MEGF11: variants seen among roughly 807,000 people sequenced by gnomAD.
MEGF11 encodes the protein multiple EGF like domains 11, also known as multiple epidermal growth factor-like domains protein 11.
A neutral mutation model predicts 146.6 loss-of-function variants in MEGF11; 126 were observed. The observed-to-expected ratio is 0.86, with a 90% CI of 0.74 to 1.00. The LOEUF (loss-of-function observed/expected upper bound fraction) is 1.00, where lower values mean the gene tolerates loss of function less well. Among genes scored for constraint, MEGF11 ranks in the 50% least tolerant of loss-of-function variants. The pLI is 0.00. For missense variants in MEGF11, 1,509 were observed against 1,521.2 expected (o/e 0.99, Z 0.13); for synonymous variants, 532 against 583.4 (o/e 0.91, Z 1.27).
intron 5 of MEGF11, among the ~76,000 whole-genome samples, chr15:66,080,800 C>A (rs1474302762): frequency 1.3e-5 from 2 of 152,232 alleles, no homozygotes; most frequent in Non-Finnish European, 2.9e-5. Flanking sequence ...GGTGACTGTG[C>A]CCCAGTGTGT....
At chr15:66,224,587 A>AAT (rs1225775669) in intron 1 of MEGF11, among the ~76,000 whole-genome samples, 2 of 147,220 alleles carry the variant, frequency 1.4e-5, no homozygotes, top group South Asian at 2.1e-4. Context: ...CTGTCTCAAA[A>AAT]ATATATATAT....
intron 5 of MEGF11, among the ~76,000 whole-genome samples, chr15:66,035,457 G>A (rs528524311): frequency 2.2e-4 from 33 of 152,146 alleles, no homozygotes; most frequent in Admixed American, 1.8e-3. Context: ...TCCCATCTCC[G>A]TGCCTTTGCT....
At chr15:65,937,743 C>G (rs2079840957) in intron 10 of MEGF11, among the ~76,000 whole-genome samples, 1 of 152,254 alleles carries the variant, frequency 6.6e-6, no homozygotes, top group Admixed American at 6.5e-5. Context: ...TATGACCAAT[C>G]AGAGCTTCTG....
At chr15:66,212,093 C>A (rs989013646) in intron 1 of MEGF11, among the ~76,000 whole-genome samples, 2 of 14,526 alleles carry the variant, frequency 1.4e-4, no homozygotes, top group African/African-American at 5.4e-4. Flanking sequence ...CTCCCGCCCG[C>A]CAGTCTCCCG....
chr15:65,984,439 T>C (rs2081773684), intron 5 of MEGF11, among the ~76,000 whole-genome samples: 1 of 147,320 alleles, frequency 6.8e-6, no homozygotes, highest in Non-Finnish European at 1.5e-5. Flanking sequence ...GTCAAGAGAA[T>C]TGCTTGAACC....
chr15:66,204,867 C>T (rs1471307622), intron 1 of MEGF11, among the ~76,000 whole-genome samples: 2 of 151,828 alleles, frequency 1.3e-5, no homozygotes, highest in Non-Finnish European at 2.9e-5. Context: ...AACCCCTGGA[C>T]ATTACATGTA....
intron 1 of MEGF11, among the ~76,000 whole-genome samples, chr15:66,152,393 C>T (rs1567265250): frequency 6.6e-6 from 1 of 152,180 alleles, no homozygotes; most frequent in Non-Finnish European, 1.5e-5. Flanking sequence ...CCTCACCCTT[C>T]CTCTCACTGA....
intron 1 of MEGF11, among the ~76,000 whole-genome samples, chr15:66,163,418 G>C (rs1424067149): frequency 6.6e-6 from 1 of 152,130 alleles, no homozygotes; most frequent in East Asian, 1.9e-4. Flanking sequence ...AACTGAAGTG[G>C]AGGAGCGCTC....
chr15:65,993,932 CA>C (rs754857829), intron 5 of MEGF11, among the ~76,000 whole-genome samples: 1 of 152,066 alleles, frequency 6.6e-6, no homozygotes, highest in African/African-American at 2.4e-5. Flanking sequence ...TCCCCCTTGG[CA>C]AAAAACAGGA....
chr15:66,145,916 TG>T lies in MEGF11; in HGVS notation c.-8-17506del, dbSNP rs541702877. 3.1e-4 allele frequency among the ~76,000 whole-genome samples: 47 copies of T among 152,314 alleles called. 1 individual carries two copies. The South Asian group carries it at 9.1e-3, about 30-fold the overall frequency. ...AAATGAGATAATTACACACGGTATC[TG>T]GAACATTGTAAAAACTCACCAAAGG... On this transcript the variant is annotated intron_variant, in intron 1 of 25. Coordinates refer to ENST00000395614, the MANE Select transcript of MEGF11 (RefSeq NM_001385028.1).
At chr15:65,988,911 G>C (rs571808072) in intron 5 of MEGF11, among the ~76,000 whole-genome samples, 1 of 152,302 alleles carries the variant, frequency 6.6e-6, no homozygotes, top group Admixed American at 6.5e-5. Flanking sequence ...GAAGGTGACT[G>C]GCCAGCCCTT....
At chr15:65,946,883 C>T (rs1381189249) in intron 10 of MEGF11, among the ~76,000 whole-genome samples, 1 of 152,150 alleles carries the variant, frequency 6.6e-6, no homozygotes, top group African/African-American at 2.4e-5. Flanking sequence ...CTTCCACTCC[C>T]TCCCTACACC....
intron 5 of MEGF11, among the ~76,000 whole-genome samples, chr15:66,091,572 A>G (rs370919001): frequency 1.2e-3 from 179 of 152,344 alleles, no homozygotes; most frequent in African/African-American, 4.2e-3. Context: ...GTCTGCTGGA[A>G]GTTCTTTAAC....
intron 1 of MEGF11, among the ~76,000 whole-genome samples, chr15:66,216,016 T>A (rs2091573349): frequency 6.6e-6 from 1 of 152,062 alleles, no homozygotes; most frequent in African/African-American, 2.4e-5. Context: ...GGACACCCAC[T>A]CTCCTTCAAC....
intron 5 of MEGF11, among the ~76,000 whole-genome samples, chr15:66,000,621 C>T (rs970535097): frequency 2.6e-5 from 4 of 151,964 alleles, no homozygotes; most frequent in Admixed American, 1.3e-4. Flanking sequence ...AACATGCTGT[C>T]TGATGTGTAT....
chr15:66,115,032 T>G (rs774597734), intron 4 of MEGF11, among the ~76,000 whole-genome samples: 4 of 152,186 alleles, frequency 2.6e-5, no homozygotes. Context: ...GCAGAGCAAG[T>G]TGGTGGCTGA....
intron 4 of MEGF11, among the ~76,000 whole-genome samples, chr15:66,110,180 T>C (rs1179454469): frequency 6.6e-6 from 1 of 152,204 alleles, no homozygotes; most frequent in Non-Finnish European, 1.5e-5. Context: ...CCAGGCATTG[T>C]GGGTGCCCAG....
chr15:65,959,909 C>T (rs762119563), intron 9 of MEGF11, among the ~76,000 whole-genome samples: 5 of 152,172 alleles, frequency 3.3e-5, no homozygotes, highest in Admixed American at 1.3e-4. Flanking sequence ...TCTGTCTGGC[C>T]ACATTTTGTC....
chr15:66,021,757 T>C (rs564178966), intron 5 of MEGF11, among the ~76,000 whole-genome samples: 36 of 152,258 alleles, frequency 2.4e-4, no homozygotes, highest in African/African-American at 8.2e-4. Context: ...CTGGTGTGAG[T>C]TGGACATCTC....
Sources: gnomAD v4.1 joint callset for allele counts (sites outside exome capture counted in the v4.1 genomes callset) on GRCh38, gnomAD v4.1.1 for gene constraint, MANE v1.5 for transcripts, NCBI Gene and HGNC (gene_info 2026-07-23, HGNC 2026-07-21) for gene names.